The following PTPRT variants were observed in gnomAD, a reference collection of about 807,000 sequenced individuals.
PTPRT encodes the protein protein tyrosine phosphatase receptor type T.
PTPRT carries 56 observed loss-of-function variants against 176.8 expected under a neutral mutation model. The ratio of observed to expected loss-of-function variants is 0.32; its 90% CI spans 0.26 to 0.40. The LOEUF (loss-of-function observed/expected upper bound fraction) is 0.40. Ranked by LOEUF, PTPRT falls within the 10% of genes least tolerant of loss-of-function variation. PTPRT has a pLI of 1.00. For synonymous variants in PTPRT, 783 were observed against 739.0 expected, an observed-to-expected ratio of 1.06 and a Z score of -0.96; for missense variants, 1,540 against 1,908.2, an observed-to-expected ratio of 0.81 and a Z score of 3.60.
At chr20:43,102,366 A>C (rs1308356642) in intron 1 of PTPRT, among the ~76,000 whole-genome samples, 1 of 151,912 alleles carries the variant, frequency 6.6e-6, no homozygotes, top group Non-Finnish European at 1.5e-5. Context: ...AAATGTGTAC[A>C]ACTAGTTTTG....
At chr20:43,132,700 CA>C (rs2067694241) in intron 1 of PTPRT, among the ~76,000 whole-genome samples, 1 of 151,958 alleles carries the variant, frequency 6.6e-6, no homozygotes, top group Non-Finnish European at 1.5e-5. Flanking sequence ...CAGGAAGAGA[CA>C]AGGAAATATA....
chr20:42,821,598 A>G (rs181129902), intron 2 of PTPRT, among the ~76,000 whole-genome samples: 3 of 152,220 alleles, frequency 2.0e-5, no homozygotes, highest in African/African-American at 7.2e-5. Flanking sequence ...GGGTATTAAA[A>G]TAGGAAGACA....
chr20:42,676,225 T>C (rs185021590), intron 7 of PTPRT, among the ~76,000 whole-genome samples: 69 of 152,340 alleles, frequency 4.5e-4, no homozygotes, highest in Non-Finnish European at 9.4e-4. Context: ...CCAGTTTTAC[T>C]AGATTCCCCT....
chr20:42,575,065 C>T (rs1053864513), intron 7 of PTPRT, among the ~76,000 whole-genome samples: 4 of 152,048 alleles, frequency 2.6e-5, no homozygotes, highest in Non-Finnish European at 4.4e-5. Context: ...TTTATAGTAG[C>T]GTGAGAATGG....
intron 1 of PTPRT, among the ~76,000 whole-genome samples, chr20:42,922,231 G>T (rs998916960): frequency 6.6e-6 from 1 of 152,124 alleles, no homozygotes; most frequent in African/African-American, 2.4e-5. Flanking sequence ...ACCGCGCCTG[G>T]CCCTCCACCT....
At chr20:42,817,081 C>T (rs1287872861) in intron 2 of PTPRT, among the ~76,000 whole-genome samples, 2 of 152,138 alleles carry the variant, frequency 1.3e-5, no homozygotes, top group African/African-American at 4.8e-5. Flanking sequence ...CAGTGGTAGA[C>T]ATAAAAAGTA....
chr20:42,285,911 C>T (rs2057222435), intron 12 of PTPRT, among the ~76,000 whole-genome samples: 1 of 151,658 alleles, frequency 6.6e-6, no homozygotes, highest in South Asian at 2.1e-4. Flanking sequence ...CTAAAAAATA[C>T]AAAAATCAGT....
chr20:42,797,225 A>G (rs889808748), intron 2 of PTPRT, among the ~76,000 whole-genome samples: 6 of 152,278 alleles, frequency 3.9e-5, no homozygotes, highest in Admixed American at 6.5e-5. Flanking sequence ...TTCTCTGACC[A>G]TCTTCTTCCT....
intron 14 of PTPRT, among the ~76,000 whole-genome samples, chr20:42,241,503 A>G (rs2056353503): frequency 6.6e-6 from 1 of 152,114 alleles, no homozygotes; most frequent in South Asian, 2.1e-4. Flanking sequence ...TATTTTTAGC[A>G]GGAGGGTGAG....
chr20:42,772,123 G>A (rs1752014022), intron 4 of PTPRT, among the ~76,000 whole-genome samples: 2 of 152,212 alleles, frequency 1.3e-5, no homozygotes, highest in Non-Finnish European at 1.5e-5. Context: ...GGGTGACGAT[G>A]TTGATGAGGA....
At position 42,858,034 on chromosome 20, in the gene PTPRT, G is replaced by A. The variant is rs146232935; in HGVS notation, c.214+27773C>T. Among the ~76,000 whole-genome samples the A allele has an allele frequency of 1.4e-3, 211 of 152,232 alleles. No homozygotes were observed. The East Asian group carries it at 0.032, about 23-fold the overall frequency. On this transcript the variant is annotated intron_variant, in intron 2 of 30. Coordinates refer to ENST00000373187, the MANE Select transcript of PTPRT (RefSeq NM_007050.6). ...TCCAAAGCTGTATCCTCAGTGCCTG[G>A]CATATTACAGGCCCTCAGTACATGT...
intron 6 of PTPRT, among the ~76,000 whole-genome samples, chr20:42,721,647 T>C (rs937881713): frequency 1.3e-5 from 2 of 152,156 alleles, no homozygotes; most frequent in African/African-American, 4.8e-5. Context: ...ACCTGCAGGC[T>C]CTGCAGCATC....
chr20:42,848,905 G>A (rs1048884802), intron 2 of PTPRT, among the ~76,000 whole-genome samples: 1 of 151,982 alleles, frequency 6.6e-6, no homozygotes, highest in African/African-American at 2.4e-5. Context: ...TGTCTAGAAG[G>A]GTTTTTTCCG....
intron 2 of PTPRT, among the ~76,000 whole-genome samples, chr20:42,852,695 G>T (rs1452073784): frequency 6.6e-6 from 1 of 152,054 alleles, no homozygotes. Context: ...TCCCCACCAA[G>T]CCCAGCCTAG....
chr20:42,256,978 C>G lies in PTPRT; in HGVS notation c.2177-8156G>C, dbSNP rs181275121. 1.0e-3 allele frequency among the ~76,000 whole-genome samples: 157 copies of G among 152,274 alleles called. 2 individuals are homozygous for G. The highest frequency in any genetic ancestry group is 3.5e-3 in the African/African-American group (147 of 41,552). ...CTCCCTTCCTCCAGCTTTACCATCT[C>G]TTATTAAAGTCTCCCATTAGCCAAA... is the stretch of plus-strand genomic sequence containing the variant. On this transcript the variant is annotated intron_variant, in intron 13 of 30. Coordinates refer to ENST00000373187, the MANE Select transcript of PTPRT (RefSeq NM_007050.6).
intron 20 of PTPRT, among the ~76,000 whole-genome samples, chr20:42,119,319 C>G (rs980319573): frequency 6.6e-6 from 1 of 152,146 alleles, no homozygotes; most frequent in African/African-American, 2.4e-5. Context: ...GGCGGTAACA[C>G]ACTTTATGTA....
At chr20:42,532,761 C>T (rs2072406900) in intron 7 of PTPRT, among the ~76,000 whole-genome samples, 1 of 152,142 alleles carries the variant, frequency 6.6e-6, no homozygotes, top group Non-Finnish European at 1.5e-5. Flanking sequence ...CCCAACATCT[C>T]TCCCACGACC....
chr20:42,648,226 A>C (rs1318078829), intron 7 of PTPRT, among the ~76,000 whole-genome samples: 2 of 152,110 alleles, frequency 1.3e-5, no homozygotes, highest in East Asian at 3.9e-4. Flanking sequence ...AGAAGAACAG[A>C]CTCCTCCATC....
At chr20:42,116,297 T>C (rs919829949) in intron 21 of PTPRT, among the ~76,000 whole-genome samples, 4 of 152,180 alleles carry the variant, frequency 2.6e-5, no homozygotes, top group Admixed American at 2.6e-4. Context: ...ACGCAGCATT[T>C]CCCAAACGTA....
Sources: allele counts gnomAD v4.1 joint callset (sites outside exome capture counted in the v4.1 genomes callset), GRCh38; gene constraint gnomAD v4.1.1; transcripts MANE v1.5; gene names NCBI Gene and HGNC (gene_info 2026-07-23, HGNC 2026-07-21).